Variants in SYT16 observed in about 807,000 individuals in gnomAD.
SYT16 encodes the protein synaptotagmin-16.
In SYT16, 42 loss-of-function variants were observed where a neutral mutation model predicts 61.4. The observed-to-expected ratio is 0.68, with a 90% CI of 0.53 to 0.89. SYT16 has a LOEUF of 0.89. Among genes scored for constraint, SYT16 ranks in the 40% least tolerant of loss-of-function variants. The pLI is 0.00. For synonymous variants in SYT16, 314 were observed against 302.3 expected, an observed-to-expected ratio of 1.04 and a Z score of -0.40; for missense variants, 804 against 807.3, an observed-to-expected ratio of 1.00 and a Z score of 0.05.
At chr14:62,016,982 A>C (rs1313622093) in intron 3 of SYT16, among the ~76,000 whole-genome samples, 1 of 152,130 alleles carries the variant, frequency 6.6e-6, no homozygotes, top group Non-Finnish European at 1.5e-5. Context: ...TCACAACTTA[A>C]GTTAGTGGGA....
In SYT16 at chr14:62,075,256, TCAC is replaced by T; in HGVS notation, c.861_863del (p.His287del). ...GGGATGCCAAACACCACGGCACATCTCACCAAGAGTCCAGTGTGGTCCAAAGCC... is the reference window on the plus strand; with the variant it reads ...GGGATGCCAAACACCACGGCACATCTCAAGAGTCCAGTGTGGTCCAAAGCC... On this transcript the variant is annotated inframe_deletion, in exon 5 of 8. Coordinates refer to ENST00000683842, the MANE Select transcript of SYT16 (RefSeq NM_001367656.1). 1 of 1,613,824 alleles carries T rather than the reference TCAC, an allele frequency of 6.2e-7. No individual in the cohort carries two copies. Among genetic ancestry groups the T allele is most frequent in the Non-Finnish European group, 8.5e-7 (1 of 1,179,856 alleles).
chr14:61,841,587 G>C (rs1262868458), intron 1 of SYT16, among the ~76,000 whole-genome samples: 1 of 152,118 alleles, frequency 6.6e-6, no homozygotes, highest in Non-Finnish European at 1.5e-5. Flanking sequence ...ATGTGTAATG[G>C]TGGGGGTTGG....
intron 3 of SYT16, among the ~76,000 whole-genome samples, chr14:61,998,656 C>T (rs76468137): frequency 6.6e-6 from 1 of 151,806 alleles, no homozygotes; most frequent in African/African-American, 2.4e-5. Context: ...TCTATTATTT[C>T]TTTTTCTTGA....
intron 7 of SYT16, among the ~76,000 whole-genome samples, chr14:62,091,896 A>G (rs7161432): frequency 0.22 from 33,714 of 151,888 alleles, 3,848 homozygotes; most frequent in East Asian, 0.32. Context: ...TCAAAAGATA[A>G]TAGAGTAAAC....
chr14:61,913,634 C>A (rs774932376), intron 1 of SYT16, among the ~76,000 whole-genome samples: 2 of 151,300 alleles, frequency 1.3e-5, no homozygotes, highest in Non-Finnish European at 1.5e-5. Context: ...GGACACTGGA[C>A]TGTATTTACA....
intron 1 of SYT16, among the ~76,000 whole-genome samples, chr14:61,929,795 T>C (rs868530559): frequency 1.3e-5 from 2 of 152,214 alleles, no homozygotes; most frequent in Admixed American, 6.5e-5. Context: ...GATTGAAAAC[T>C]TTTGATGGCT....
chr14:62,002,565 C>T (rs79717392), intron 3 of SYT16, among the ~76,000 whole-genome samples: 8,984 of 152,142 alleles, frequency 0.059, 349 homozygotes, highest in African/African-American at 0.11. Flanking sequence ...TAGGCAATTG[C>T]TGTGTTCCTA....
chr14:61,824,900 C>T (rs531329646), intron 1 of SYT16, among the ~76,000 whole-genome samples: 16 of 152,276 alleles, frequency 1.1e-4, no homozygotes, highest in African/African-American at 3.1e-4. Flanking sequence ...GCTATGACTT[C>T]ATCACCATGT....
Position 62,032,742 on chromosome 14 carries a change from A to T in SYT16, c.523+36200A>T, listed in dbSNP as rs184412816. On this transcript the variant is annotated intron_variant, in intron 3 of 7. Coordinates refer to ENST00000683842, the MANE Select transcript of SYT16 (RefSeq NM_001367656.1). ...AAAAAAAAAAATTAAGGTAAATTTA[A>T]CAGATTAAAATGAACTTATTTAATT... Among the ~76,000 whole-genome samples the T allele has an allele frequency of 5.4e-3, 820 of 152,150 alleles. 6 individuals are homozygous for T. Among genetic ancestry groups the T allele is most frequent in the Non-Finnish European group, 8.7e-3 (589 of 67,942 alleles).
At chr14:62,059,446 A>T (rs1321916636) in intron 3 of SYT16, among the ~76,000 whole-genome samples, 3 of 149,928 alleles carry the variant, frequency 2.0e-5, no homozygotes, top group African/African-American at 7.6e-5. Context: ...GAAGCCCTTT[A>T]TTTTCCCTCA....
chr14:61,993,464 CAA>C (rs957163705), intron 2 of SYT16, among the ~76,000 whole-genome samples: 6 of 151,954 alleles, frequency 3.9e-5, no homozygotes, highest in African/African-American at 1.2e-4. Flanking sequence ...ACAAAAAACT[CAA>C]AGTTTTTTTG....
chr14:61,888,199 C>G (rs1471274792), intron 1 of SYT16, among the ~76,000 whole-genome samples: 3 of 150,348 alleles, frequency 2.0e-5, no homozygotes, highest in Non-Finnish European at 4.4e-5. Context: ...CTCACTGCAA[C>G]CTCCGTCTCC....
intron 1 of SYT16, among the ~76,000 whole-genome samples, chr14:61,914,119 T>G (rs1371564172): frequency 6.6e-6 from 1 of 152,196 alleles, no homozygotes; most frequent in Non-Finnish European, 1.5e-5. Flanking sequence ...TAGAGAGTTA[T>G]AATTTGTTCA....
At chr14:61,822,524 G>A (rs2045648621) in intron 1 of SYT16, among the ~76,000 whole-genome samples, 1 of 152,176 alleles carries the variant, frequency 6.6e-6, no homozygotes, top group South Asian at 2.1e-4. Context: ...CATTGCAGGT[G>A]GTAAAGCCTG....
At chr14:61,980,089 T>C (rs1405401988) in intron 2 of SYT16, among the ~76,000 whole-genome samples, 2 of 152,204 alleles carry the variant, frequency 1.3e-5, no homozygotes, top group African/African-American at 2.4e-5. Flanking sequence ...GTCCCCTTTA[T>C]ACTTCTTTTG....
At chr14:62,028,515 G>A (rs148732352) in intron 3 of SYT16, among the ~76,000 whole-genome samples, 4 of 152,238 alleles carry the variant, frequency 2.6e-5, no homozygotes, top group African/African-American at 9.6e-5. Flanking sequence ...CAATGTTATG[G>A]TCTCTCTATA....
In SYT16 at chr14:61,833,295, C is replaced by CTT. The variant is rs556738010; in HGVS notation, c.-325+20498_-325+20499dup. Among the ~76,000 whole-genome samples, 426 of 138,774 alleles carry CTT rather than the reference C, an allele frequency of 3.1e-3. 3 individuals carry two copies. The highest frequency in any genetic ancestry group is 0.01 in the African/African-American group (383 of 37,720). 91.0% of individuals were successfully genotyped at this position (138,774 alleles called of 152,430 possible). ...CTCATGGGTGGCTTTTTTTTCTTTT[C>CTT]TTTTTTTTTTTTTTGAGACGGAGTC... On this transcript the variant is annotated intron_variant, in intron 1 of 7. Transcript: ENST00000683842.
Position 62,110,889 on chromosome 14 carries a change from A to C in SYT16, c.*10182A>C, listed in dbSNP as rs1470502639. 6.6e-6 allele frequency: 1 copy of C among 152,038 alleles called. No individual in the cohort carries two copies. The highest frequency in any genetic ancestry group is 1.5e-5 in the Non-Finnish European group (1 of 67,926). 9.4% of individuals were successfully genotyped at this position (152,038 alleles called of 1,614,324 possible). ...CAAAAAAGGTCCTTCAATCTCCTTT[A>C]TTATTTTTCTTTTGAAGAATCAAAC... On this transcript the variant is annotated 3_prime_UTR_variant, in exon 8 of 8. Transcript: ENST00000683842.
At chr14:62,038,873 A>G (rs1370867996) in intron 3 of SYT16, among the ~76,000 whole-genome samples, 1 of 152,202 alleles carries the variant, frequency 6.6e-6, no homozygotes, top group African/African-American at 2.4e-5. Context: ...ATTATATGTA[A>G]CATGAGGAGC....
Sources: allele counts gnomAD v4.1 joint callset (sites outside exome capture counted in the v4.1 genomes callset), GRCh38; gene constraint gnomAD v4.1.1; transcripts MANE v1.5; gene names NCBI Gene and HGNC (gene_info 2026-07-23, HGNC 2026-07-21).